SDK1: variants seen among roughly 807,000 people sequenced by gnomAD.
The protein encoded by SDK1 is protein sidekick-1.
In SDK1, 157 loss-of-function variants were observed where a neutral mutation model predicts 245.5. The ratio of observed to expected loss-of-function variants is 0.64; its 90% CI spans 0.56 to 0.73. The LOEUF (loss-of-function observed/expected upper bound fraction) is 0.73, where lower values mean the gene tolerates loss of function less well. SDK1 is among the 30% of genes least tolerant of loss of function. The pLI, the probability that SDK1 is intolerant of heterozygous loss-of-function variation, is 0.00. For synonymous variants in SDK1, 1,647 were observed against 1,278.5 expected, an observed-to-expected ratio of 1.29 and a Z score of -6.15; for missense variants, 3,583 against 3,002.3, an observed-to-expected ratio of 1.19 and a Z score of -4.52.
chr7:3,854,553 C>G (rs180813667), intron 5 of SDK1, among the ~76,000 whole-genome samples: 2 of 152,224 alleles, frequency 1.3e-5, no homozygotes, highest in East Asian at 1.9e-4. Context: ...AATGCCAACA[C>G]GAAGATCTTT....
In SDK1 at chr7:4,129,712, G is replaced by T. The variant is rs560141433; in HGVS notation, c.3940-196G>T. The T allele has an allele frequency of 3.5e-6, 5 of 1,417,654 alleles. No homozygotes were observed. The African/African-American group carries it at 5.8e-5, about 16-fold the overall frequency. 87.8% of individuals were successfully genotyped at this position (1,417,654 alleles called of 1,614,324 possible). A position where few individuals can be genotyped will look rare whatever the true frequency, so the allele number is the denominator to read the frequency against. On this transcript the variant is annotated intron_variant, in intron 26 of 44. Transcript: ENST00000404826. ...GCACTAACTCAAGCTCCCCTGGAGC[G>T]CAGTCACTTTACAACCACCTTCCTC...
At chr7:3,525,436 T>A (rs556163879) in intron 1 of SDK1, among the ~76,000 whole-genome samples, 5 of 152,194 alleles carry the variant, frequency 3.3e-5, no homozygotes, top group African/African-American at 9.6e-5. Flanking sequence ...GTCTGGGAGG[T>A]TGATGGCATA....
rs564927519 is a variant in SDK1, at chr7:3,568,149, A to G, written c.299-50931A>G. 1.6e-4 allele frequency among the ~76,000 whole-genome samples: 25 copies of G among 152,356 alleles called. 2 individuals carry two copies. The South Asian group carries it at 5.2e-3, about 32-fold the overall frequency. On this transcript the variant is annotated intron_variant, in intron 1 of 44. Coordinates refer to ENST00000404826, the MANE Select transcript of SDK1 (RefSeq NM_152744.4). ...GTGGTTCTTTGAACAATGATCATTA[A>G]GAGATTTGTTGTTTGAACCAGTGTC...
intron 30 of SDK1, among the ~76,000 whole-genome samples, chr7:4,156,500 C>T (rs1477087236): frequency 1.3e-5 from 2 of 152,084 alleles, no homozygotes; most frequent in South Asian, 2.1e-4. Context: ...GATGTGCCTG[C>T]GGTCAGGGAC....
chr7:3,566,090 C>G (rs1334192169), intron 1 of SDK1, among the ~76,000 whole-genome samples: 1 of 151,650 alleles, frequency 6.6e-6, no homozygotes, highest in Non-Finnish European at 1.5e-5. Flanking sequence ...TAATAAAAGA[C>G]CAAGATTATC....
chr7:3,536,739 G>A (rs1368487645), intron 1 of SDK1, among the ~76,000 whole-genome samples: 1 of 151,812 alleles, frequency 6.6e-6, no homozygotes, highest in East Asian at 1.9e-4. Context: ...ATTGAAAAGT[G>A]TCTGAAAGTA....
chr7:3,506,698 A>G (rs1782402544), intron 1 of SDK1, among the ~76,000 whole-genome samples: 1 of 152,098 alleles, frequency 6.6e-6, no homozygotes, highest in Admixed American at 6.5e-5. Context: ...TTGTATTCAG[A>G]TTCACTGATC....
chr7:3,960,419 T>G (rs553626733), intron 8 of SDK1, among the ~76,000 whole-genome samples: 1 of 152,378 alleles, frequency 6.6e-6, no homozygotes, highest in African/African-American at 2.4e-5. Flanking sequence ...AGCCCTGGAC[T>G]TAGAACAAAT....
intron 14 of SDK1, among the ~76,000 whole-genome samples, chr7:3,990,856 C>A (rs1023238561): frequency 6.6e-6 from 1 of 152,220 alleles, no homozygotes; most frequent in African/African-American, 2.4e-5. Context: ...GCCTGGCCAG[C>A]GCTCTTCTCA....
intron 28 of SDK1, among the ~76,000 whole-genome samples, chr7:4,137,227 G>A (rs1415618777): frequency 4.6e-5 from 7 of 152,230 alleles, no homozygotes; most frequent in Admixed American, 1.3e-4. Context: ...CCCGGGAGGC[G>A]GAGGTTGCAG....
In SDK1 at chr7:3,782,332, G is replaced by T. The variant is rs116156232; in HGVS notation, c.714-39118G>T. On this transcript the variant is annotated intron_variant, in intron 4 of 44. Transcript: ENST00000404826. ...TGAACTCATTACCATGGGGAGAGCA[G>T]CAAGCCACTCATGAGGGATCTGTCC... Among the ~76,000 whole-genome samples the T allele has an allele frequency of 5.8e-3, 881 of 152,360 alleles. 7 individuals are homozygous for T. Among genetic ancestry groups the T allele is most frequent in the African/African-American group, 0.02 (824 of 41,582 alleles).
chr7:3,899,219 T>C (rs1385804064), intron 5 of SDK1, among the ~76,000 whole-genome samples: 1 of 152,214 alleles, frequency 6.6e-6, no homozygotes, highest in Non-Finnish European at 1.5e-5. Flanking sequence ...CTTCTTAATA[T>C]ATGAGTATGT....
chr7:4,019,706 C>T (rs981528135), intron 17 of SDK1, among the ~76,000 whole-genome samples: 2 of 152,078 alleles, frequency 1.3e-5, no homozygotes, highest in African/African-American at 4.8e-5. Flanking sequence ...CACCATCCTT[C>T]CCTCACTTGG....
At chr7:3,999,171 T>C (rs1784891245) in intron 14 of SDK1, among the ~76,000 whole-genome samples, 1 of 152,140 alleles carries the variant, frequency 6.6e-6, no homozygotes, top group African/African-American at 2.4e-5. Context: ...GTCACCATAC[T>C]TTAAGGGCAG....
intron 1 of SDK1, among the ~76,000 whole-genome samples, chr7:3,576,491 T>G (rs1233084155): frequency 6.6e-6 from 1 of 152,126 alleles, no homozygotes; most frequent in Admixed American, 6.5e-5. Context: ...TAGAGATGTC[T>G]TGCTCCTTGC....
Position 4,077,243 on chromosome 7 carries a change from C to G in SDK1, c.3202+54C>G, listed in dbSNP as rs111591779. ...CTGTCACCTTTCTCTTGGAGATTCCCGAGGCTAGAAGTTGATTGGCACTTT... is the reference window on the plus strand; with the variant it reads ...CTGTCACCTTTCTCTTGGAGATTCCGGAGGCTAGAAGTTGATTGGCACTTT... On this transcript the variant is annotated intron_variant, in intron 21 of 44. Coordinates refer to ENST00000404826, the MANE Select transcript of SDK1 (RefSeq NM_152744.4). 5.2e-6 allele frequency: 8 copies of G among 1,544,864 alleles called. No individual in the cohort carries two copies. In the Admixed American group the frequency reaches 5.5e-5, roughly 11 times the overall value.
chr7:3,582,112 CAGGT>C (rs1429232011), intron 1 of SDK1, among the ~76,000 whole-genome samples: 4 of 145,492 alleles, frequency 2.7e-5, no homozygotes, highest in African/African-American at 1.0e-4. Flanking sequence ...AGGTCTCCCT[CAGGT>C]AGGCCTGTCT....
intron 1 of SDK1, among the ~76,000 whole-genome samples, chr7:3,436,513 G>C (rs796370926): frequency 8.5e-5 from 13 of 152,214 alleles, no homozygotes; most frequent in African/African-American, 3.1e-4. Flanking sequence ...TATGCAAGGA[G>C]TTTTGCTGTG....
rs192802981 is a variant in SDK1 at position 3,721,424 on chromosome 7, C to T, written c.713+79319C>T. Among the ~76,000 whole-genome samples the T allele has an allele frequency of 3.1e-4, 47 of 152,120 alleles. 1 individual carries two copies. Among genetic ancestry groups the T allele is most frequent in the African/African-American group, 1.1e-3 (44 of 41,478 alleles). On this transcript the variant is annotated intron_variant, in intron 4 of 44. Coordinates refer to ENST00000404826, the MANE Select transcript of SDK1 (RefSeq NM_152744.4). ...TCACTGTACATTTCTTTGAACTCCT[C>T]GTAAATCTAATTATTTCAAAATAAA...
Sources: gnomAD v4.1 joint callset for allele counts (sites outside exome capture counted in the v4.1 genomes callset) on GRCh38, gnomAD v4.1.1 for gene constraint, MANE v1.5 for transcripts, NCBI Gene and HGNC (gene_info 2026-07-23, HGNC 2026-07-21) for gene names.